The following ZNF605 variants were observed in gnomAD, a reference collection of about 807,000 sequenced individuals.
The protein encoded by ZNF605 is zinc finger protein 605.
A neutral mutation model predicts 7.9 loss-of-function variants in ZNF605; 9 were observed. The observed-to-expected ratio is 1.14, with a 90% CI of 0.68 to 1.98. ZNF605 has a LOEUF of 1.98. ZNF605 is among the 30% of genes most tolerant of loss of function. The pLI, the probability that ZNF605 is intolerant of heterozygous loss-of-function variation, is 0.00. For missense variants in ZNF605, 673 were observed against 762.4 expected (o/e 0.88, Z 1.38); for synonymous variants, 255 against 260.1 (o/e 0.98, Z 0.19).
At chr12:132,954,129 C>CAT (rs1952605211) in intron 1 of ZNF605, among the ~76,000 whole-genome samples, 1 of 151,614 alleles carries the variant, frequency 6.6e-6, no homozygotes, top group South Asian at 2.1e-4. Flanking sequence ...TACGTCACAC[C>CAT]ATAGACCTCA....
chr12:132,923,936 T>A lies in ZNF605; in HGVS notation c.*1437A>T, dbSNP rs187799760. The A allele has an allele frequency of 1.3e-4, 20 of 152,304 alleles. No individual in the cohort carries two copies. In the East Asian group the frequency reaches 3.9e-3, roughly 29 times the overall value. The allele number at this position is 152,304 out of a possible 1,614,324, so 9.4% of individuals were successfully genotyped here. The stretch of plus-strand genomic sequence containing the variant: ...TTCTTACTCTTCAAGTTCATTGATT[T>A]TTTCTTCTTTTTCTGTATCTAATCT... On this transcript the variant is annotated 3_prime_UTR_variant, in exon 5 of 5. Transcript: ENST00000360187.
In ZNF605 at chr12:132,925,776, C is replaced by A. The variant is rs1952240935; in HGVS notation, c.1523G>T (p.Ser508Ile). The A allele has an allele frequency of 6.2e-7, 1 of 1,614,092 alleles. No homozygotes were observed. Residue 508 changes from serine to isoleucine, a missense_variant, in exon 5 of 5, where the codon AGT becomes ATT. Ser to Ile is a moderately radical substitution (Grantham distance 142, BLOSUM62 -2). Coordinates refer to ENST00000360187, the MANE Select transcript of ZNF605 (RefSeq NM_183238.4). ...THTGEKPFEC[S>I]ECRKAFAWKP... The stretch of plus-strand genomic sequence containing the variant: ...CCAGGCAAAAGCTTTCCTACATTCA[C>A]TACATTCAAAGGGCTTTTCTCCAGT...
intron 3 of ZNF605, among the ~76,000 whole-genome samples, chr12:132,943,402 G>A (rs1952465849): frequency 6.6e-6 from 1 of 151,842 alleles, no homozygotes; most frequent in South Asian, 2.1e-4. Flanking sequence ...ATGTTCAGGT[G>A]TAAGCACAGG....
At chr12:132,953,680 C>T (rs1365372660) in intron 1 of ZNF605, among the ~76,000 whole-genome samples, 3 of 152,012 alleles carry the variant, frequency 2.0e-5, no homozygotes, top group Non-Finnish European at 4.4e-5. Context: ...CTGCCTCAGC[C>T]TCCCAAAGTG....
At chr12:132,945,156 G>GT (rs1952483757) in intron 3 of ZNF605, 1 of 482,158 alleles carries the variant, frequency 2.1e-6, no homozygotes, top group Non-Finnish European at 3.7e-6. Flanking sequence ...TAGAGACGGG[G>GT]TTTTGCCATG....
chr12:132,929,075 G>A (rs1335758581), intron 4 of ZNF605, among the ~76,000 whole-genome samples: 1 of 151,960 alleles, frequency 6.6e-6, no homozygotes, highest in African/African-American at 2.4e-5. Context: ...TCTTTTCTAG[G>A]GGGGAAAAAG....
intron 1 of ZNF605, among the ~76,000 whole-genome samples, chr12:132,949,374 C>A (rs1384059152): frequency 6.6e-6 from 1 of 152,216 alleles, no homozygotes; most frequent in Non-Finnish European, 1.5e-5. Flanking sequence ...TCGCCCTGAA[C>A]GTCTGCTTCT....
At chr12:132,937,359 C>CAAAA (rs56281488) in intron 3 of ZNF605, among the ~76,000 whole-genome samples, 24 of 86,742 alleles carry the variant, frequency 2.8e-4, no homozygotes, top group East Asian at 3.5e-4. Context: ...AACTCTGTCT[C>CAAAA]AAAAAAAAAA....
chr12:132,926,601 G>C lies in ZNF605; in HGVS notation c.698C>G (p.Ala233Gly). ...KPHGCSECQK[A>G]FSRKSLLILH... is the part of the protein sequence containing the mutation. ...AATGAGGAGTGACTTCCTACTAAAAGCTTTCTGACATTCGCTGCACCCATG... is the reference window on the plus strand; with the variant it reads ...AATGAGGAGTGACTTCCTACTAAAACCTTTCTGACATTCGCTGCACCCATG... Residue 233 changes from alanine (A) to glycine (G), a missense_variant, in exon 5 of 5, where the codon GCT becomes GGT. By Grantham distance (60) the Ala-to-Gly change is moderately conservative. Transcript: ENST00000360187. The C allele has an allele frequency of 6.2e-7, 1 of 1,614,140 alleles. No homozygotes were observed. The highest frequency in any genetic ancestry group is 1.1e-5 in the South Asian group (1 of 91,078).
intron 1 of ZNF605, among the ~76,000 whole-genome samples, chr12:132,950,600 A>G (rs1179615132): frequency 1.3e-5 from 2 of 151,670 alleles, no homozygotes; most frequent in Non-Finnish European, 2.9e-5. Flanking sequence ...ATGCACACGT[A>G]CACACACACA....
intron 3 of ZNF605, among the ~76,000 whole-genome samples, chr12:132,940,498 G>A (rs1165687130): frequency 6.6e-6 from 1 of 152,152 alleles, no homozygotes; most frequent in Non-Finnish European, 1.5e-5. Flanking sequence ...ACAGGACTAT[G>A]ATGTGGTCCC....
chr12:132,934,282 A>T (rs921839676), intron 3 of ZNF605, among the ~76,000 whole-genome samples: 3 of 151,780 alleles, frequency 2.0e-5, no homozygotes, highest in African/African-American at 7.3e-5. Context: ...TGTCTCAAAT[A>T]AATAAATAAA....
intron 3 of ZNF605, among the ~76,000 whole-genome samples, chr12:132,936,940 G>A (rs1952373105): frequency 6.6e-6 from 1 of 152,192 alleles, no homozygotes. Flanking sequence ...CACAGACTAA[G>A]AGAAAATTAT....
intron 3 of ZNF605, among the ~76,000 whole-genome samples, chr12:132,944,253 C>T (rs1036904254): frequency 4.0e-5 from 6 of 151,684 alleles, no homozygotes; most frequent in Admixed American, 3.3e-4. Context: ...CGTCTTGCTC[C>T]GTCACCCAGG....
chr12:132,932,522 G>A (rs1952317850), intron 4 of ZNF605, among the ~76,000 whole-genome samples: 1 of 152,090 alleles, frequency 6.6e-6, no homozygotes, highest in Non-Finnish European at 1.5e-5. Context: ...ATGGAGAAAA[G>A]ACACATCCCG....
At chr12:132,927,398 G>A (rs1294835643) in intron 4 of ZNF605, among the ~76,000 whole-genome samples, 1 of 152,016 alleles carries the variant, frequency 6.6e-6, no homozygotes, top group African/African-American at 2.4e-5. Flanking sequence ...ATGGAGTCTC[G>A]TGCTGTCACC....
At chr12:132,938,081 C>T (rs971686803) in intron 3 of ZNF605, among the ~76,000 whole-genome samples, 7 of 151,478 alleles carry the variant, frequency 4.6e-5, no homozygotes, top group East Asian at 2.0e-4. Flanking sequence ...CCTGGGTTCA[C>T]GCCATTCTCC....
intron 1 of ZNF605, among the ~76,000 whole-genome samples, chr12:132,951,742 A>C (rs1005953105): frequency 5.2e-4 from 56 of 106,774 alleles, no homozygotes; most frequent in Non-Finnish European, 1.0e-3. Context: ...CATGACACAT[A>C]CACATGTACA....
At chr12:132,939,222 C>G (rs1952405070) in intron 3 of ZNF605, among the ~76,000 whole-genome samples, 5 of 151,734 alleles carry the variant, frequency 3.3e-5, no homozygotes, top group Non-Finnish European at 5.9e-5. Context: ...GCTCCTGAGT[C>G]TGGTGGGGAC....
Sources: gnomAD v4.1 joint callset for allele counts (sites outside exome capture counted in the v4.1 genomes callset) on GRCh38, gnomAD v4.1.1 for gene constraint, MANE v1.5 for transcripts, NCBI Gene and HGNC (gene_info 2026-07-23, HGNC 2026-07-21) for gene names.